TET1: variants seen among roughly 807,000 people sequenced by gnomAD.
TET1 encodes methylcytosine dioxygenase TET1.
TET1 carries 13 observed loss-of-function variants against 148.7 expected under a neutral mutation model. That is an observed-to-expected ratio of 0.09 (90% CI 0.06 to 0.14). The LOEUF (loss-of-function observed/expected upper bound fraction) is 0.14, where lower values mean the gene tolerates loss of function less well. Ranked by LOEUF, TET1 falls within the 10% of genes least tolerant of loss-of-function variation. The probability of loss-of-function intolerance (pLI) is 1.00; values close to 1 mark genes in which losing one functional copy is unlikely to be tolerated. For missense variants in TET1, 2,182 were observed against 2,553.8 expected (o/e 0.85, Z 3.14); for synonymous variants, 907 against 937.2 (o/e 0.97, Z 0.59).
chr10:68,661,225 G>GTTTTTTTTTTTTTTTT (rs1564498225), intron 6 of TET1, among the ~76,000 whole-genome samples: 1 of 94,870 alleles, frequency 1.1e-5, no homozygotes, highest in African/African-American at 3.8e-5. Flanking sequence ...TTTTTTTGTA[G>GTTTTTTTTTTTTTTTT]TTTTAGTAGA....
At chr10:68,596,802 T>G (rs1023894075) in intron 2 of TET1, among the ~76,000 whole-genome samples, 1 of 152,138 alleles carries the variant, frequency 6.6e-6, no homozygotes, top group African/African-American at 2.4e-5. Context: ...GCCTTGGCTT[T>G]ATTTATTATC....
intron 3 of TET1, among the ~76,000 whole-genome samples, chr10:68,614,401 A>G (rs996124040): frequency 3.3e-5 from 5 of 152,220 alleles, no homozygotes; most frequent in Admixed American, 2.0e-4. Context: ...TCAAAAGTGG[A>G]GAAAGGAAAA....
In TET1 at chr10:68,571,672, A is replaced by G. The variant is rs932223886; in HGVS notation, c.-122-545A>G. 5.3e-5 allele frequency among the ~76,000 whole-genome samples: 8 copies of G among 151,808 alleles called. No individual in the cohort carries two copies. In the East Asian group the frequency reaches 1.6e-3, roughly 30 times the overall value. On this transcript the variant is annotated intron_variant, in intron 1 of 11. Coordinates refer to ENST00000373644, the MANE Select transcript of TET1 (RefSeq NM_030625.3). The stretch of plus-strand genomic sequence containing the variant: ...CTTGGCCTCCCAAAGTGCTGGGATT[A>G]CAGGCATGAGCCACCGCACCTGGCC...
intron 9 of TET1, 85 bp from the exon 10 acceptor site, chr10:68,682,751 C>A: frequency 1.4e-6 from 2 of 1,433,706 alleles, no homozygotes; most frequent in Non-Finnish European, 1.9e-6. Flanking sequence ...TTAGAAACTT[C>A]ATGAGGAAAT....
At chr10:68,590,918 C>T (rs552953597) in intron 2 of TET1, among the ~76,000 whole-genome samples, 3 of 151,998 alleles carry the variant, frequency 2.0e-5, no homozygotes, top group Non-Finnish European at 4.4e-5. Context: ...TGCAATGGCA[C>T]GATCTCGGCT....
intron 3 of TET1, among the ~76,000 whole-genome samples, chr10:68,639,478 T>A (rs1317497142): frequency 6.6e-6 from 1 of 150,570 alleles, no homozygotes; most frequent in Non-Finnish European, 1.5e-5. Flanking sequence ...ATTATTATTA[T>A]TATTATTATT....
In TET1 at chr10:68,572,694, C is replaced by A; in HGVS notation, c.356C>A (p.Pro119Gln). The change falls in exon 2 of 12, where the codon CCA (proline) becomes CAA (glutamine). Residue 119 changes from proline (P) to glutamine (Q), a missense_variant. Pro to Gln is a moderately conservative substitution (Grantham distance 76). Transcript: ENST00000373644. ...CTTAGCAGGCGACTCTCCCAACCCC[C>A]ACTGGTCGTAGCCAAATCCAAAAAG... ...TSLSRRLSQP[P>Q]LVVAKSKKVP... 1 of 1,614,134 alleles carries A rather than the reference C, an allele frequency of 6.2e-7. No homozygotes were observed. Among genetic ancestry groups the A allele is most frequent in the Non-Finnish European group, 8.5e-7 (1 of 1,180,026 alleles).
chr10:68,621,133 G>A (rs1292143135), intron 3 of TET1, among the ~76,000 whole-genome samples: 1 of 152,104 alleles, frequency 6.6e-6, no homozygotes, highest in Non-Finnish European at 1.5e-5. Context: ...GGTAATTATG[G>A]TTTTGGTGTT....
At chr10:68,614,944 CTTTTT>C (rs369939263) in intron 3 of TET1, among the ~76,000 whole-genome samples, 1 of 145,226 alleles carries the variant, frequency 6.9e-6, no homozygotes, top group East Asian at 2.0e-4. Flanking sequence ...ATTTTTATGG[CTTTTT>C]TTTTTTGAGT....
At position 68,681,988 on chromosome 10, in the gene TET1, C is replaced by A. The variant is rs559222609; in HGVS notation, c.4914+500C>A. On this transcript the variant is annotated intron_variant, in intron 9 of 11. Coordinates refer to ENST00000373644, the MANE Select transcript of TET1 (RefSeq NM_030625.3). ...GTCTCAAAAAAAAAAACAAAAAAAA[C>A]CAGTCATTGTTAATAGAAAAATTTT... 6.0e-4 allele frequency among the ~76,000 whole-genome samples: 88 copies of A among 147,120 alleles called. 1 individual carries two copies. The highest frequency in any genetic ancestry group is 1.2e-3 in the East Asian group (6 of 5,042).
intron 8 of TET1, among the ~76,000 whole-genome samples, chr10:68,673,652 A>C (rs370626312): frequency 1.3e-5 from 2 of 152,220 alleles, no homozygotes; most frequent in East Asian, 3.9e-4. Context: ...TAAGTATTCT[A>C]ATGTGTTATG....
intron 11 of TET1, among the ~76,000 whole-genome samples, chr10:68,688,896 T>G (rs890011184): frequency 4.6e-5 from 7 of 152,208 alleles, no homozygotes; most frequent in Non-Finnish European, 8.8e-5. Context: ...TTCCTTAGCT[T>G]CTTTCATTTT....
chr10:68,683,232 A>G (rs2055460451), intron 10 of TET1, among the ~76,000 whole-genome samples: 1 of 152,168 alleles, frequency 6.6e-6, no homozygotes, highest in South Asian at 2.1e-4. Context: ...TACATATTTA[A>G]TTGTTGTGTT....
At chr10:68,632,605 T>C (rs1343376562) in intron 3 of TET1, 2 of 1,582,224 alleles carry the variant, frequency 1.3e-6, no homozygotes, top group Non-Finnish European at 1.7e-6. Flanking sequence ...TCACTGTAGG[T>C]ATAATTATGC....
intron 2 of TET1, among the ~76,000 whole-genome samples, chr10:68,576,393 G>T (rs189006737): frequency 6.6e-6 from 1 of 151,740 alleles, no homozygotes; most frequent in African/African-American, 2.4e-5. Flanking sequence ...CAGGCATGGT[G>T]GCTCATGTCT....
chr10:68,618,065 T>C (rs1318825207), intron 3 of TET1, among the ~76,000 whole-genome samples: 1 of 152,050 alleles, frequency 6.6e-6, no homozygotes, highest in African/African-American at 2.4e-5. Flanking sequence ...TTAGTCACCA[T>C]ACCTGGCTTT....
intron 3 of TET1, among the ~76,000 whole-genome samples, chr10:68,621,477 A>C (rs1249629920): frequency 6.6e-6 from 1 of 152,178 alleles, no homozygotes; most frequent in African/African-American, 2.4e-5. Context: ...CCAGCTACTC[A>C]AGAGGCTGAG....
chr10:68,572,440 C>T lies in TET1; in HGVS notation c.102C>T (p.Ala34=). ...AACTACGAAAGACAACCAAGGGAGCCAACAAAAATGTGGCATCAGTCAAGA... is the reference window on the plus strand; with the variant it reads ...AACTACGAAAGACAACCAAGGGAGCTAACAAAAATGTGGCATCAGTCAAGA... ...NSQLRKTTKG[A]NKNVASVKTL... Residue 34 remains alanine (A), a synonymous_variant, in exon 2 of 12, where the codon GCC becomes GCT. Coordinates refer to ENST00000373644, the MANE Select transcript of TET1 (RefSeq NM_030625.3). The T allele has an allele frequency of 1.2e-6, 2 of 1,613,862 alleles. No individual in the cohort carries two copies. Among genetic ancestry groups the T allele is most frequent in the South Asian group, 2.2e-5 (2 of 91,030 alleles).
rs1207136905 is a variant in TET1 at position 68,672,515 on chromosome 10, CA to C, written c.4674-366del. 9.4e-3 allele frequency among the ~76,000 whole-genome samples: 808 copies of C among 85,654 alleles called. 1 individual carries two copies. The highest frequency in any genetic ancestry group is 0.028 in the African/African-American group (641 of 23,044). 56.2% of individuals were successfully genotyped at this position (85,654 alleles called of 152,430 possible). On this transcript the variant is annotated intron_variant, in intron 7 of 11. Transcript: ENST00000373644. ...AAAAAAAAAAAAAAAAAAAAAACAC[CA>C]AAAAAAAAAAAAAGAAAAACCCAGG...
Sources: allele counts gnomAD v4.1 joint callset (sites outside exome capture counted in the v4.1 genomes callset), GRCh38; gene constraint gnomAD v4.1.1; transcripts MANE v1.5; gene names NCBI Gene and HGNC (gene_info 2026-07-23, HGNC 2026-07-21).